The following KIAA1217 variants were observed in gnomAD, a reference collection of about 807,000 sequenced individuals.
KIAA1217 encodes KIAA1217.
A neutral mutation model predicts 163.9 loss-of-function variants in KIAA1217; 88 were observed. The ratio of observed to expected loss-of-function variants is 0.54; its 90% CI spans 0.45 to 0.64. The LOEUF (loss-of-function observed/expected upper bound fraction) is 0.64, where lower values mean the gene tolerates loss of function less well. Ranked by LOEUF, KIAA1217 falls within the 30% of genes least tolerant of loss-of-function variation. The pLI is 0.00. For missense variants in KIAA1217, 2,372 were observed against 2,475.0 expected, an observed-to-expected ratio of 0.96 and a Z score of 0.88; for synonymous variants, 903 against 923.1, an observed-to-expected ratio of 0.98 and a Z score of 0.39.
intron 6 of KIAA1217, among the ~76,000 whole-genome samples, chr10:24,476,728 G>C (rs2064084431): frequency 6.6e-6 from 1 of 152,128 alleles, no homozygotes; most frequent in South Asian, 2.1e-4. Context: ...CCTGTAATCA[G>C]CTTATCTCCA....
intron 1 of KIAA1217, among the ~76,000 whole-genome samples, chr10:23,847,831 C>T (rs1839117310): frequency 6.6e-6 from 1 of 152,142 alleles, no homozygotes; most frequent in East Asian, 1.9e-4. Context: ...TTAGATCTTT[C>T]CTGCTTTCTC....
intron 1 of KIAA1217, among the ~76,000 whole-genome samples, chr10:23,859,856 T>TG (rs1839873353): frequency 6.6e-6 from 1 of 152,122 alleles, no homozygotes; most frequent in Non-Finnish European, 1.5e-5. Flanking sequence ...CCCTCTTTTT[T>TG]TTTTTTCTTG....
intron 6 of KIAA1217, chr10:24,482,329 G>C (rs1370483062): frequency 6.6e-6 from 1 of 152,206 alleles, no homozygotes; most frequent in East Asian, 1.9e-4. Flanking sequence ...TCTGAGACCA[G>C]AAACTTAAGC....
At chr10:24,192,191 T>C (rs2066753520) in intron 2 of KIAA1217, among the ~76,000 whole-genome samples, 3 of 151,974 alleles carry the variant, frequency 2.0e-5, no homozygotes, top group Admixed American at 6.5e-5. Flanking sequence ...CACGCAGAAG[T>C]ATGATTAGAA....
At chr10:23,963,638 G>A (rs996364851) in intron 1 of KIAA1217, among the ~76,000 whole-genome samples, 2 of 152,086 alleles carry the variant, frequency 1.3e-5, no homozygotes, top group African/African-American at 2.4e-5. Flanking sequence ...CCCAGTAATG[G>A]GATTGCTGGG....
rs115163951 is a variant in KIAA1217 at position 23,718,443 on chromosome 10, A to C, written c.-321+23209A>C. ...TATTGTATAATGAAAGATGTGTCCCAAGTTTGTTTTTTTCCATGTTTAAAT... is the reference window on the plus strand; with the variant it reads ...TATTGTATAATGAAAGATGTGTCCCCAGTTTGTTTTTTTCCATGTTTAAAT... On this transcript the variant is annotated intron_variant, in intron 1 of 18. Coordinates refer to the KIAA1217 transcript ENST00000376462. 8.4e-3 allele frequency among the ~76,000 whole-genome samples: 1,286 copies of C among 152,268 alleles called. 19 individuals are homozygous for C. Among genetic ancestry groups the C allele is most frequent in the African/African-American group, 0.029 (1,206 of 41,550 alleles).
At chr10:23,794,555 G>T (rs999492199) in intron 1 of KIAA1217, among the ~76,000 whole-genome samples, 1 of 152,142 alleles carries the variant, frequency 6.6e-6, no homozygotes, top group South Asian at 2.1e-4. Flanking sequence ...CTTTTAGCGA[G>T]GTTTTGATAT....
chr10:23,953,798 A>G (rs2131359907), intron 1 of KIAA1217, among the ~76,000 whole-genome samples: 1 of 152,240 alleles, frequency 6.6e-6, no homozygotes, highest in East Asian at 1.9e-4. Context: ...TTAATGGATT[A>G]ATTGACCCAT....
intron 2 of KIAA1217, among the ~76,000 whole-genome samples, chr10:24,189,617 A>G (rs2066618411): frequency 6.6e-6 from 1 of 152,244 alleles, no homozygotes; most frequent in East Asian, 1.9e-4. Context: ...GATTTAATGT[A>G]AGTTTTACAT....
At chr10:23,983,478 C>G (rs1238023317) in intron 1 of KIAA1217, among the ~76,000 whole-genome samples, 1 of 152,040 alleles carries the variant, frequency 6.6e-6, no homozygotes, top group African/African-American at 2.4e-5. Context: ...TCTTACATGG[C>G]TGGAGCAGAA....
At chr10:23,985,692 A>T (rs998458411) in intron 1 of KIAA1217, among the ~76,000 whole-genome samples, 6 of 152,188 alleles carry the variant, frequency 3.9e-5, no homozygotes, top group Non-Finnish European at 8.8e-5. Context: ...TGGCTGAAAC[A>T]AGTATGTGGT....
At chr10:23,974,480 TG>T (rs2131398784) in intron 1 of KIAA1217, among the ~76,000 whole-genome samples, 1 of 152,170 alleles carries the variant, frequency 6.6e-6, no homozygotes, top group African/African-American at 2.4e-5. Flanking sequence ...TTTATAAGGA[TG>T]AAGTAAGATA....
intron 2 of KIAA1217, among the ~76,000 whole-genome samples, chr10:24,129,690 T>A (rs542009420): frequency 4.6e-5 from 7 of 152,164 alleles, no homozygotes; most frequent in Non-Finnish European, 1.0e-4. Flanking sequence ...TATCTGATCA[T>A]TTCAACTAAT....
intron 1 of KIAA1217, among the ~76,000 whole-genome samples, chr10:23,737,790 G>A (rs908123286): frequency 1.3e-5 from 2 of 151,774 alleles, no homozygotes; most frequent in African/African-American, 4.8e-5. Context: ...TTTAGGTAGA[G>A]AACTGATTTC....
chr10:24,186,440 C>G (rs927108496), intron 2 of KIAA1217, among the ~76,000 whole-genome samples: 1 of 152,144 alleles, frequency 6.6e-6, no homozygotes, highest in African/African-American at 2.4e-5. Context: ...TTTTTCTTAG[C>G]CTATATTTCC....
chr10:23,695,058 C>T lies in KIAA1217; in HGVS notation c.-497C>T, dbSNP rs1835936261. On this transcript the variant is annotated 5_prime_UTR_variant, in exon 1 of 19. Transcript: ENST00000376462. The surrounding 1 kb of genome is among the most constrained non-coding windows in gnomAD (Gnocchi z 4.9). ...CTGGCAGCCGCGAGCGGCGGCCGAACCTCGGCCCCAGACTCGGGCCCCCGG... is the reference window on the plus strand; with the variant it reads ...CTGGCAGCCGCGAGCGGCGGCCGAATCTCGGCCCCAGACTCGGGCCCCCGG... 6.6e-6 allele frequency: 1 copy of T among 152,284 alleles called. No homozygotes were observed. Among genetic ancestry groups the T allele is most frequent in the South Asian group, 2.1e-4 (1 of 4,842 alleles). The allele number at this position is 152,284 out of a possible 1,614,324, so 9.4% of individuals were successfully genotyped here.
rs535830021 is a variant in KIAA1217, at chr10:24,093,485, G to A, written c.-171+86111G>A. ...CCACTCTCGGCTCTATTCTTTTTCA[G>A]TAGAGACAAGGTCTCACTATGTTGC... On this transcript the variant is annotated intron_variant, in intron 2 of 18. Transcript: ENST00000376462. Among the ~76,000 whole-genome samples the A allele has an allele frequency of 5.3e-5, 8 of 151,152 alleles. No homozygotes were observed. In the South Asian group the frequency reaches 1.5e-3, roughly 28 times the overall value.
chr10:24,434,054 T>A (rs934023565), intron 4 of KIAA1217, among the ~76,000 whole-genome samples: 8 of 94,892 alleles, frequency 8.4e-5, no homozygotes, highest in South Asian at 7.2e-4. Context: ...TTTTTTTTTT[T>A]ATGAGACAGT....
intron 2 of KIAA1217, among the ~76,000 whole-genome samples, chr10:24,224,863 G>A (rs1432347678): frequency 1.7e-5 from 2 of 118,244 alleles, no homozygotes; most frequent in South Asian, 2.7e-4. Flanking sequence ...GTCTCACTCT[G>A]TCACCCAGGC....
Sources: allele counts gnomAD v4.1 joint callset (sites outside exome capture counted in the v4.1 genomes callset), GRCh38; gene constraint gnomAD v4.1.1; non-coding constraint Gnocchi (gnomAD v3.1); transcripts MANE v1.5; gene names NCBI Gene and HGNC (gene_info 2026-07-23, HGNC 2026-07-21).